CDH13: variants seen among roughly 807,000 people sequenced by gnomAD.
The protein encoded by CDH13 is cadherin-13.
Under a neutral mutation model 63.8 loss-of-function variants are expected in CDH13, and 24 were observed. The observed-to-expected ratio is 0.38, with a 90% confidence interval of 0.27 to 0.53. The LOEUF is 0.53. Ranked by LOEUF, CDH13 falls within the 20% of genes least tolerant of loss-of-function variation. The probability of loss-of-function intolerance (pLI) is 0.85; values close to 1 mark genes in which losing one functional copy is unlikely to be tolerated. For synonymous variants in CDH13, 503 were observed against 355.3 expected (o/e 1.42, Z -4.67); for missense variants, 1,049 against 903.1 (o/e 1.16, Z -2.07).
chr16:83,029,733 C>T (rs973419444), intron 2 of CDH13, among the ~76,000 whole-genome samples: 6 of 152,098 alleles, frequency 3.9e-5, no homozygotes, highest in Non-Finnish European at 7.3e-5. Flanking sequence ...GAATTTTACT[C>T]AGGAAGGGAG....
chr16:83,656,645 G>A (rs8050158), intron 8 of CDH13, among the ~76,000 whole-genome samples: 14,460 of 152,218 alleles, frequency 0.095, 764 homozygotes, highest in East Asian at 0.19. Flanking sequence ...TGATTTAGTG[G>A]AATCTTGATC....
chr16:82,774,547 A>G (rs1279264408), intron 1 of CDH13, among the ~76,000 whole-genome samples: 1 of 152,210 alleles, frequency 6.6e-6, no homozygotes, highest in Non-Finnish European at 1.5e-5. Flanking sequence ...GAATTATTTC[A>G]TTCAACAAGC....
At chr16:82,907,279 C>T (rs952009135) in intron 2 of CDH13, among the ~76,000 whole-genome samples, 1 of 152,048 alleles carries the variant, frequency 6.6e-6, no homozygotes, top group African/African-American at 2.4e-5. Flanking sequence ...AAGGGGTGGC[C>T]CACAGTGACC....
chr16:82,779,131 A>G (rs376962734), intron 1 of CDH13, among the ~76,000 whole-genome samples: 2 of 152,226 alleles, frequency 1.3e-5, no homozygotes, highest in African/African-American at 4.8e-5. Context: ...TTTTAAATGT[A>G]ATAAATACGT....
chr16:83,392,379 G>A (rs980897131), intron 6 of CDH13, among the ~76,000 whole-genome samples: 2 of 152,202 alleles, frequency 1.3e-5, no homozygotes, highest in African/African-American at 2.4e-5. Flanking sequence ...TATTATTTAT[G>A]ATTGTTCCTA....
intron 1 of CDH13, among the ~76,000 whole-genome samples, chr16:82,856,185 G>T (rs1328126271): frequency 6.6e-6 from 1 of 151,740 alleles, no homozygotes; most frequent in Non-Finnish European, 1.5e-5. Context: ...GACCATCCTG[G>T]CGAACACTGT....
At chr16:83,232,953 C>T (rs1474486691) in intron 5 of CDH13, among the ~76,000 whole-genome samples, 1 of 152,116 alleles carries the variant, frequency 6.6e-6, no homozygotes, top group Non-Finnish European at 1.5e-5. Context: ...ATGTGTCACC[C>T]TGAAATGATG....
rs182018149 is a variant in CDH13 at position 83,137,464 on chromosome 16, G to A, written c.483+11963G>A. The stretch of plus-strand genomic sequence containing the variant: ...CGTGTTTGTGCGCTGAGTCAGGGCC[G>A]GAGGTCGTGTCTTCGTTTAACAAAT... On this transcript the variant is annotated intron_variant, in intron 4 of 13. Transcript: ENST00000567109. Among the ~76,000 whole-genome samples the A allele has an allele frequency of 3.0e-3, 454 of 152,296 alleles. 5 individuals are homozygous for A. The South Asian group carries it at 0.033, about 11-fold the overall frequency.
intron 5 of CDH13, among the ~76,000 whole-genome samples, chr16:83,316,956 C>A (rs564235349): frequency 6.6e-6 from 1 of 152,174 alleles, no homozygotes; most frequent in South Asian, 2.1e-4. Context: ...CTTGAACAAG[C>A]GGCTACCCAT....
intron 8 of CDH13, among the ~76,000 whole-genome samples, chr16:83,617,538 C>T (rs1407858467): frequency 1.3e-5 from 2 of 151,132 alleles, no homozygotes; most frequent in East Asian, 1.9e-4. Flanking sequence ...AATATCTATT[C>T]TTTTCTCATA....
intron 3 of CDH13, among the ~76,000 whole-genome samples, chr16:83,093,240 T>G (rs1219414466): frequency 1.3e-5 from 2 of 148,734 alleles, no homozygotes; most frequent in Non-Finnish European, 3.0e-5. Context: ...CTCTATCAGG[T>G]GGATTTCTCC....
At chr16:83,644,219 C>T (rs1911578147) in intron 8 of CDH13, among the ~76,000 whole-genome samples, 1 of 152,234 alleles carries the variant, frequency 6.6e-6, no homozygotes, top group African/African-American at 2.4e-5. Flanking sequence ...TTTATTTCCA[C>T]TAAGTAAACC....
rs144452185 is a variant in CDH13, at chr16:83,357,425, C to A, written c.781+12419C>A. Among the ~76,000 whole-genome samples, 28 of 152,266 alleles carry A rather than the reference C, an allele frequency of 1.8e-4. No homozygotes were observed. In the East Asian group the frequency reaches 5.4e-3, roughly 29 times the overall value. On this transcript the variant is annotated intron_variant, in intron 6 of 13. Transcript: ENST00000567109. Reference sequence around the variant, plus strand: ...ATTCAAAAATGTCTGCGTAGATTTTCACTAGCTTTGGAAACCACGTTTGAT... The same window carrying A: ...ATTCAAAAATGTCTGCGTAGATTTTAACTAGCTTTGGAAACCACGTTTGAT...
At chr16:83,657,343 A>G (rs1233844110) in intron 8 of CDH13, among the ~76,000 whole-genome samples, 1 of 152,170 alleles carries the variant, frequency 6.6e-6, no homozygotes, top group Non-Finnish European at 1.5e-5. Context: ...GGTGTCCCCC[A>G]TAGACCGTCA....
intron 10 of CDH13, among the ~76,000 whole-genome samples, chr16:83,708,495 C>G (rs771678151): frequency 6.6e-6 from 1 of 152,162 alleles, no homozygotes; most frequent in Non-Finnish European, 1.5e-5. Context: ...CTTTTTCTGT[C>G]TAGGTTCTCT....
chr16:83,318,294 T>G (rs1405935588), intron 5 of CDH13, among the ~76,000 whole-genome samples: 1 of 152,226 alleles, frequency 6.6e-6, no homozygotes, highest in Non-Finnish European at 1.5e-5. Flanking sequence ...CTCTTTTCTT[T>G]AAACTTTTAA....
At chr16:83,271,809 C>A (rs2088826692) in intron 5 of CDH13, among the ~76,000 whole-genome samples, 1 of 152,032 alleles carries the variant, frequency 6.6e-6, no homozygotes, top group African/African-American at 2.4e-5. Flanking sequence ...AAATCAATTC[C>A]AGTAAAAATG....
chr16:82,723,500 A>C (rs1288811478), intron 1 of CDH13, among the ~76,000 whole-genome samples: 2 of 152,080 alleles, frequency 1.3e-5, no homozygotes, highest in Admixed American at 1.3e-4. Flanking sequence ...ACTTCAGCAA[A>C]ACCTCCTGTG....
intron 3 of CDH13, among the ~76,000 whole-genome samples, chr16:83,080,834 G>A (rs1225488179): frequency 1.3e-5 from 2 of 148,762 alleles, no homozygotes; most frequent in Non-Finnish European, 3.0e-5. Flanking sequence ...TTATTAGTAA[G>A]GACTCCAGGC....
Sources: allele counts gnomAD v4.1 joint callset (sites outside exome capture counted in the v4.1 genomes callset), GRCh38; gene constraint gnomAD v4.1.1; transcripts MANE v1.5; gene names NCBI Gene and HGNC (gene_info 2026-07-23, HGNC 2026-07-21).